Variants in SHC4 observed in about 807,000 individuals in gnomAD.
The protein encoded by SHC4 is SHC adaptor protein 4.
Under a neutral mutation model 69.4 loss-of-function variants are expected in SHC4, and 41 were observed. The ratio of observed to expected loss-of-function variants is 0.59; its 90% confidence interval spans 0.46 to 0.77. The LOEUF (loss-of-function observed/expected upper bound fraction) is 0.77. Among genes scored for constraint, SHC4 ranks in the 30% least tolerant of loss-of-function variants. The probability of loss-of-function intolerance (pLI) is 0.00; values close to 1 mark genes in which losing one functional copy is unlikely to be tolerated. For missense variants in SHC4, 777 were observed against 783.8 expected, an observed-to-expected ratio of 0.99 and a Z score of 0.10; for synonymous variants, 318 against 299.3, an observed-to-expected ratio of 1.06 and a Z score of -0.64.
intron 2 of SHC4, among the ~76,000 whole-genome samples, chr15:48,909,628 G>C (rs1389790908): frequency 6.6e-6 from 1 of 152,128 alleles, no homozygotes; most frequent in East Asian, 1.9e-4. Context: ...TGTTTGTCTT[G>C]TTCCAGTTCT....
chr15:48,955,430 T>C (rs1007972642), intron 1 of SHC4, among the ~76,000 whole-genome samples: 2 of 152,066 alleles, frequency 1.3e-5, no homozygotes, highest in Admixed American at 6.5e-5. Flanking sequence ...CTCCATATGA[T>C]AACACCGTAT....
intron 10 of SHC4, 56 bp from the exon 11 acceptor site, chr15:48,835,078 C>G: frequency 6.5e-7 from 1 of 1,535,614 alleles, no homozygotes; most frequent in Admixed American, 1.9e-5. Context: ...TCCATCCATT[C>G]ATTCATTTAT....
At chr15:48,863,302 C>T (rs1307869726) in intron 6 of SHC4, among the ~76,000 whole-genome samples, 7 of 152,024 alleles carry the variant, frequency 4.6e-5, no homozygotes, top group South Asian at 2.1e-4. Context: ...TCTTATAATG[C>T]GTATCTACCC....
chr15:48,927,260 C>T (rs1216162056), intron 1 of SHC4, among the ~76,000 whole-genome samples: 1 of 152,208 alleles, frequency 6.6e-6, no homozygotes, highest in Non-Finnish European at 1.5e-5. Flanking sequence ...ACCCCAGAGC[C>T]TAGGTCTTGC....
At chr15:48,888,924 G>A (rs1900086421) in intron 3 of SHC4, among the ~76,000 whole-genome samples, 1 of 148,988 alleles carries the variant, frequency 6.7e-6, no homozygotes, top group African/African-American at 2.5e-5. Context: ...TAAATTTTAT[G>A]TTATGGATAT....
chr15:48,921,331 GT>G (rs35765153), intron 2 of SHC4, among the ~76,000 whole-genome samples: 7,977 of 140,308 alleles, frequency 0.057, 262 homozygotes, highest in Middle Eastern at 0.085. Flanking sequence ...GGAAGTTATC[GT>G]TTTTTTTTTT....
In SHC4 at chr15:48,924,876, T is replaced by C; in HGVS notation, c.656+3A>G. The C allele has an allele frequency of 6.2e-7, 1 of 1,614,170 alleles. No homozygotes were observed. Among genetic ancestry groups the C allele is most frequent in the Non-Finnish European group, 8.5e-7 (1 of 1,179,994 alleles). ...AAAGCCCCTCCCATTTTTGGCTTCT[T>C]ACCTTGTAACTTGGGTTCTCATTCC... On this transcript the variant is annotated splice_donor_region_variant and intron_variant, in intron 2 of 11. Coordinates refer to ENST00000332408, the MANE Select transcript of SHC4 (RefSeq NM_203349.4).
intron 7 of SHC4, 65 bp downstream of exon 7, chr15:48,857,625 TAA>T (rs1899351010): frequency 9.7e-6 from 13 of 1,338,378 alleles, no homozygotes; most frequent in East Asian, 2.7e-5. Context: ...CACACACAAA[TAA>T]ATACATACAG....
At chr15:48,950,894 G>C (rs1260626204) in intron 1 of SHC4, among the ~76,000 whole-genome samples, 1 of 152,100 alleles carries the variant, frequency 6.6e-6, no homozygotes, top group Non-Finnish European at 1.5e-5. Flanking sequence ...TTCTTTCTCA[G>C]TTCTCATCTT....
intron 10 of SHC4, among the ~76,000 whole-genome samples, chr15:48,835,330 C>T (rs905190527): frequency 1.3e-5 from 2 of 152,120 alleles, no homozygotes; most frequent in African/African-American, 2.4e-5. Context: ...CAGAGAGAGG[C>T]TCTTTATGTC....
intron 9 of SHC4, among the ~76,000 whole-genome samples, chr15:48,845,196 A>C (rs1047329082): frequency 1.3e-5 from 2 of 152,224 alleles, no homozygotes; most frequent in Non-Finnish European, 2.9e-5. Context: ...GACCAACCAC[A>C]TACTGAATTT....
chr15:48,896,527 G>C (rs1285270682), intron 2 of SHC4, among the ~76,000 whole-genome samples: 3 of 152,020 alleles, frequency 2.0e-5, no homozygotes, highest in Admixed American at 2.0e-4. Context: ...CGCCACATTG[G>C]CCAGGCTGGT....
chr15:48,955,429 A>G (rs73402297), intron 1 of SHC4, among the ~76,000 whole-genome samples: 17,239 of 152,076 alleles, frequency 0.11, 1,596 homozygotes, highest in African/African-American at 0.25. Context: ...CCTCCATATG[A>G]TAACACCGTA....
chr15:48,955,153 T>A (rs879241825), intron 1 of SHC4, among the ~76,000 whole-genome samples: 2 of 152,254 alleles, frequency 1.3e-5, no homozygotes, highest in Admixed American at 1.3e-4. Flanking sequence ...AAGAAAGACA[T>A]CCCAGTATGT....
chr15:48,954,017 C>A (rs1595769167), intron 1 of SHC4, among the ~76,000 whole-genome samples: 1 of 152,284 alleles, frequency 6.6e-6, no homozygotes, highest in African/African-American at 2.4e-5. Context: ...AATCACTGAG[C>A]AGTTGTTTAT....
intron 2 of SHC4, among the ~76,000 whole-genome samples, chr15:48,906,133 A>C (rs570713411): frequency 6.6e-6 from 1 of 152,314 alleles, no homozygotes; most frequent in African/African-American, 2.4e-5. Flanking sequence ...TAAGTCCTAT[A>C]AAAGGGGCCC....
At chr15:48,915,030 G>A (rs1900591333) in intron 2 of SHC4, among the ~76,000 whole-genome samples, 1 of 152,182 alleles carries the variant, frequency 6.6e-6, no homozygotes, top group Admixed American at 6.5e-5. Context: ...AGAAACATCT[G>A]TTCAAGTCCT....
At chr15:48,878,343 G>A (rs1899864046) in intron 4 of SHC4, 1 of 1,613,686 alleles carries the variant, frequency 6.2e-7, no homozygotes, top group Non-Finnish European at 8.5e-7. Context: ...GAGGAGGAAG[G>A]CCCAATGGAG....
At chr15:48,853,438 ATAAAACACC>A (rs1899254087) in intron 8 of SHC4, among the ~76,000 whole-genome samples, 1 of 152,214 alleles carries the variant, frequency 6.6e-6, no homozygotes, top group African/African-American at 2.4e-5. Flanking sequence ...TGCTATTCCA[ATAAAACACC>A]AACATCATTT....
Sources: allele counts gnomAD v4.1 joint callset (sites outside exome capture counted in the v4.1 genomes callset), GRCh38; gene constraint gnomAD v4.1.1; transcripts MANE v1.5; gene names NCBI Gene and HGNC (gene_info 2026-07-23, HGNC 2026-07-21).